PTPRD: variants seen among roughly 807,000 people sequenced by gnomAD.
The protein encoded by PTPRD is receptor-type tyrosine-protein phosphatase delta.
In PTPRD, 34 loss-of-function variants were observed where a neutral mutation model predicts 214.5. The observed-to-expected ratio is 0.16, with a 90% CI of 0.12 to 0.21. The LOEUF (loss-of-function observed/expected upper bound fraction) is 0.21. Ranked by LOEUF, PTPRD falls within the 10% of genes least tolerant of loss-of-function variation. PTPRD has a pLI of 1.00. For synonymous variants in PTPRD, 1,128 were observed against 845.7 expected (o/e 1.33, Z -5.79); for missense variants, 2,545 against 2,398.7 (o/e 1.06, Z -1.27).
intron 2 of PTPRD, among the ~76,000 whole-genome samples, chr9:10,513,596 A>G (rs996078133): frequency 6.6e-6 from 1 of 152,070 alleles, no homozygotes; most frequent in African/African-American, 2.4e-5. Context: ...TAAGATTGTA[A>G]TTTTCATCTC....
intron 5 of PTPRD, among the ~76,000 whole-genome samples, chr9:9,892,087 A>G (rs2073526507): frequency 6.6e-6 from 1 of 152,128 alleles, no homozygotes; most frequent in African/African-American, 2.4e-5. Flanking sequence ...TAAAATGAGT[A>G]TTTATTGAAT....
At chr9:8,854,747 T>C (rs1479009148) in intron 11 of PTPRD, among the ~76,000 whole-genome samples, 2 of 152,192 alleles carry the variant, frequency 1.3e-5, no homozygotes, top group Non-Finnish European at 2.9e-5. Flanking sequence ...TTTCTTTCCA[T>C]ACAAACTTGT....
chr9:9,966,565 T>C lies in PTPRD; in HGVS notation c.-471-27955A>G, dbSNP rs112118835. ...TCCACAAAAAGATTACAAATCATTTTAAAAAGATATGCCCTGCTTATTATC... is the reference window on the plus strand; with the variant it reads ...TCCACAAAAAGATTACAAATCATTTCAAAAAGATATGCCCTGCTTATTATC... On this transcript the variant is annotated intron_variant, in intron 4 of 45. Coordinates refer to ENST00000381196, the MANE Select transcript of PTPRD (RefSeq NM_002839.4). Among the ~76,000 whole-genome samples, 1,195 of 152,276 alleles carry C rather than the reference T, an allele frequency of 7.8e-3. 12 individuals carry two copies. The highest frequency in any genetic ancestry group is 0.014 in the Middle Eastern group (4 of 294).
chr9:9,055,578 T>A (rs2099694696), intron 10 of PTPRD, among the ~76,000 whole-genome samples: 1 of 152,052 alleles, frequency 6.6e-6, no homozygotes, highest in African/African-American at 2.4e-5. Context: ...GACTAGTTAA[T>A]AAAAATGGTT....
intron 8 of PTPRD, among the ~76,000 whole-genome samples, chr9:9,450,748 T>TG (rs74997318): frequency 0.033 from 4,725 of 144,056 alleles, 145 homozygotes; most frequent in African/African-American, 0.091. Flanking sequence ...GTACATATTA[T>TG]GGGGGGGGGT....
intron 3 of PTPRD, among the ~76,000 whole-genome samples, chr9:10,251,193 T>C (rs1180632012): frequency 6.6e-6 from 1 of 152,164 alleles, no homozygotes; most frequent in Non-Finnish European, 1.5e-5. Flanking sequence ...CAGTCTATTT[T>C]GGACAACCCT....
chr9:8,822,087 G>C (rs1043874723), intron 11 of PTPRD, among the ~76,000 whole-genome samples: 1 of 152,212 alleles, frequency 6.6e-6, no homozygotes, highest in Admixed American at 6.5e-5. Context: ...CACATTTTTA[G>C]TGGTTTTGGT....
chr9:9,491,052 G>C (rs2095872364), intron 8 of PTPRD, among the ~76,000 whole-genome samples: 1 of 151,742 alleles, frequency 6.6e-6, no homozygotes, highest in African/African-American at 2.4e-5. Context: ...GTATATAAGA[G>C]ACTCTCTTTA....
At chr9:10,598,675 T>C (rs929820427) in intron 2 of PTPRD, among the ~76,000 whole-genome samples, 10 of 8,900 alleles carry the variant, frequency 1.1e-3, no homozygotes, top group South Asian at 0.011. Flanking sequence ...TATATATGTA[T>C]GTGTGTGTGT....
intron 9 of PTPRD, among the ~76,000 whole-genome samples, chr9:9,286,673 A>G (rs1024771194): frequency 6.6e-6 from 1 of 150,692 alleles, no homozygotes; most frequent in Non-Finnish European, 1.5e-5. Flanking sequence ...TTTGCAATCC[A>G]TTGGCTCCTT....
At chr9:9,010,616 C>T (rs560196356) in intron 11 of PTPRD, among the ~76,000 whole-genome samples, 2 of 152,282 alleles carry the variant, frequency 1.3e-5, no homozygotes, top group East Asian at 3.9e-4. Flanking sequence ...CTGAGTGGCC[C>T]TCTTCAACAG....
intron 8 of PTPRD, among the ~76,000 whole-genome samples, chr9:9,442,965 G>A (rs948339088): frequency 4.6e-5 from 7 of 152,136 alleles, no homozygotes; most frequent in South Asian, 2.1e-4. Flanking sequence ...ATGTATGCAC[G>A]TACATATATA....
intron 4 of PTPRD, among the ~76,000 whole-genome samples, chr9:10,003,148 G>C (rs1307467126): frequency 6.6e-6 from 1 of 151,810 alleles, no homozygotes; most frequent in Non-Finnish European, 1.5e-5. Flanking sequence ...CATAAGAAAT[G>C]AGTTCCAGGC....
intron 7 of PTPRD, among the ~76,000 whole-genome samples, chr9:9,704,053 T>G (rs1413367912): frequency 1.4e-5 from 2 of 145,290 alleles, no homozygotes; most frequent in Non-Finnish European, 3.0e-5. Flanking sequence ...TGGCCTAATT[T>G]TAGTTTTTAT....
intron 35 of PTPRD, among the ~76,000 whole-genome samples, chr9:8,406,404 T>C (rs762091587): frequency 3.3e-5 from 5 of 152,204 alleles, no homozygotes; most frequent in African/African-American, 4.8e-5. Context: ...TGTTGTCTGA[T>C]TGAAATCCCT....
chr9:9,417,746 C>T (rs1202589021), intron 8 of PTPRD, among the ~76,000 whole-genome samples: 1 of 151,998 alleles, frequency 6.6e-6, no homozygotes, highest in Non-Finnish European at 1.5e-5. Flanking sequence ...TTAACCTCTT[C>T]AAAACTCAAG....
intron 35 of PTPRD, among the ~76,000 whole-genome samples, chr9:8,420,107 C>G (rs1295396758): frequency 6.6e-6 from 1 of 152,102 alleles, no homozygotes; most frequent in Non-Finnish European, 1.5e-5. Context: ...AAACTCATAG[C>G]TGCATACCAA....
chr9:10,510,635 A>G (rs1165941683), intron 2 of PTPRD, among the ~76,000 whole-genome samples: 1 of 152,162 alleles, frequency 6.6e-6, no homozygotes, highest in South Asian at 2.1e-4. Flanking sequence ...TAACATGAGC[A>G]TGCAAGGTGT....
intron 27 of PTPRD, 72 bp downstream of exon 27, chr9:8,492,790 C>T: frequency 9.4e-7 from 1 of 1,062,428 alleles, no homozygotes; most frequent in Non-Finnish European, 1.4e-6. Flanking sequence ...TAAAAGCCTG[C>T]TAGAAGCTAC....
Sources: gnomAD v4.1 joint callset for allele counts (sites outside exome capture counted in the v4.1 genomes callset) on GRCh38, gnomAD v4.1.1 for gene constraint, MANE v1.5 for transcripts, NCBI Gene and HGNC (gene_info 2026-07-23, HGNC 2026-07-21) for gene names.